Variants in NCOR1 observed in about 807,000 individuals in gnomAD.
NCOR1 encodes the protein nuclear receptor corepressor 1.
A neutral mutation model predicts 288.1 loss-of-function variants in NCOR1; 63 were observed. The ratio of observed to expected loss-of-function variants is 0.22; its 90% CI spans 0.18 to 0.27. NCOR1 has a LOEUF of 0.27. Among genes scored for constraint, NCOR1 ranks in the 10% least tolerant of loss-of-function variants. The pLI, the probability that NCOR1 is intolerant of heterozygous loss-of-function variation, is 1.00. For missense variants in NCOR1, 2,397 were observed against 3,019.2 expected (o/e 0.79, Z 4.83); for synonymous variants, 1,007 against 1,065.9 (o/e 0.94, Z 1.08).
chr17:16,063,355 A>G (rs1419193434), intron 35 of NCOR1, among the ~76,000 whole-genome samples: 1 of 151,638 alleles, frequency 6.6e-6, no homozygotes, highest in South Asian at 2.1e-4. Flanking sequence ...AATTTTTTAT[A>G]TATATATTTT....
rs568083045 is a variant in NCOR1, at chr17:16,095,250, G to A, written c.2820+3117C>T. Among the ~76,000 whole-genome samples, 71 of 149,460 alleles carry A rather than the reference G, an allele frequency of 4.8e-4. 1 individual carries two copies. Among genetic ancestry groups the A allele is most frequent in the Admixed American group, 3.6e-3 (55 of 15,136 alleles). On this transcript the variant is annotated intron_variant, in intron 21 of 45. Transcript: ENST00000268712. Reference sequence around the variant, plus strand: ...TGGGATGTGAGGAGCACCTCGGCCCGGCCGCGACCCCGTCTGGGAGGTGAG... The same window carrying A: ...TGGGATGTGAGGAGCACCTCGGCCCAGCCGCGACCCCGTCTGGGAGGTGAG...
intron 7 of NCOR1, 82 bp from the exon 8 acceptor site, chr17:16,152,080 G>GA: frequency 1.2e-6 from 1 of 852,752 alleles, no homozygotes; most frequent in Non-Finnish European, 1.7e-6. Context: ...TTTAATGTAA[G>GA]CACAGGTAAA....
At chr17:16,091,383 A>G (rs1437755382) in intron 22 of NCOR1, among the ~76,000 whole-genome samples, 1 of 152,266 alleles carries the variant, frequency 6.6e-6, no homozygotes, top group African/African-American at 2.4e-5. Context: ...ATGAAAGGTT[A>G]AGTGACTTGC....
chr17:16,104,874 A>G (rs899381405), intron 19 of NCOR1, among the ~76,000 whole-genome samples: 8 of 152,210 alleles, frequency 5.3e-5, no homozygotes, highest in Non-Finnish European at 8.8e-5. Flanking sequence ...GAAAAAAGTG[A>G]TATCTGAACA....
chr17:16,035,060 C>T, intron 44 of NCOR1, 116 bp from the exon 45 acceptor site: 1 of 937,942 alleles, frequency 1.1e-6, no homozygotes, highest in Non-Finnish European at 1.6e-6. Flanking sequence ...ATGAAGAATC[C>T]AGATCCTGGT....
chr17:16,071,277 A>G lies in NCOR1; in HGVS notation c.4152+132T>C. 5.6e-6 allele frequency: 7 copies of G among 1,240,792 alleles called. No individual in the cohort carries two copies. The South Asian group carries it at 6.1e-5, about 11-fold the overall frequency. 76.9% of individuals were successfully genotyped at this position (1,240,792 alleles called of 1,614,324 possible). On this transcript the variant is annotated intron_variant, in intron 30 of 45. Transcript: ENST00000268712. ...CTGGTCCACAGAGGAAAAAAAAAAA[A>G]GGTACAGGAAACTTTCATGTTTACT...
intron 18 of NCOR1, among the ~76,000 whole-genome samples, chr17:16,117,620 C>A (rs987971408): frequency 6.6e-6 from 1 of 151,260 alleles, no homozygotes; most frequent in African/African-American, 2.4e-5. Context: ...GTCTGGAGTT[C>A]GAGACCAGCC....
intron 19 of NCOR1, among the ~76,000 whole-genome samples, chr17:16,105,080 C>G (rs907971205): frequency 6.6e-6 from 1 of 152,158 alleles, no homozygotes. Flanking sequence ...GTACAAAGGT[C>G]AGTTCATGCA....
intron 1 of NCOR1, among the ~76,000 whole-genome samples, chr17:16,205,344 C>T (rs1440021831): frequency 2.0e-5 from 3 of 152,186 alleles, no homozygotes; most frequent in East Asian, 3.8e-4. Context: ...GACACATGGC[C>T]GGGCTCAGTG....
chr17:16,067,167 T>C (rs2061222811), intron 32 of NCOR1, among the ~76,000 whole-genome samples: 1 of 152,260 alleles, frequency 6.6e-6, no homozygotes, highest in African/African-American at 2.4e-5. Context: ...CCCAGCAGAC[T>C]GCTCTCTAGA....
intron 21 of NCOR1, among the ~76,000 whole-genome samples, chr17:16,094,933 C>A (rs1300055801): frequency 2.6e-5 from 4 of 152,280 alleles, no homozygotes; most frequent in Non-Finnish European, 4.4e-5. Flanking sequence ...ACCTCCCAGC[C>A]GCCTGCCTTG....
chr17:16,189,528 C>T lies in NCOR1; in HGVS notation c.109-2841G>A, dbSNP rs542387098. Among the ~76,000 whole-genome samples the T allele has an allele frequency of 7.9e-5, 12 of 152,072 alleles. No individual in the cohort carries two copies. The South Asian group carries it at 2.3e-3, about 29-fold the overall frequency. ...AGAACTGAGGAATTCTCTCAGTACC[C>T]AGTAAAGCACAAAGACATAGAAACC... On this transcript the variant is annotated intron_variant, in intron 2 of 45. Transcript: ENST00000268712.
chr17:16,112,357 T>G (rs969932733), intron 18 of NCOR1, among the ~76,000 whole-genome samples: 2 of 152,214 alleles, frequency 1.3e-5, no homozygotes, highest in Non-Finnish European at 2.9e-5. Flanking sequence ...TATACACACT[T>G]TTAAATCAGT....
intron 42 of NCOR1, chr17:16,044,388 C>CAATCT: frequency 2.1e-6 from 1 of 471,168 alleles, no homozygotes; most frequent in Non-Finnish European, 4.4e-6. Context: ...CAGATCTAAA[C>CAATCT]AAACATCCAC....
At chr17:16,210,135 G>A (rs2091977524) in intron 1 of NCOR1, among the ~76,000 whole-genome samples, 1 of 151,482 alleles carries the variant, frequency 6.6e-6, no homozygotes, top group Non-Finnish European at 1.5e-5. Context: ...TGTAATCCCA[G>A]CACTTTGGGA....
At chr17:16,041,819 C>T (rs1482346379) in intron 42 of NCOR1, among the ~76,000 whole-genome samples, 2 of 152,114 alleles carry the variant, frequency 1.3e-5, no homozygotes, top group East Asian at 1.9e-4. Context: ...TCACTGCAAG[C>T]TCTGCCTCCC....
chr17:16,084,764 G>C (rs768067222), intron 23 of NCOR1, among the ~76,000 whole-genome samples: 3 of 152,148 alleles, frequency 2.0e-5, no homozygotes, highest in Non-Finnish European at 4.4e-5. Flanking sequence ...TTTAAATAAA[G>C]ATGAATGTTA....
chr17:16,105,078 G>T (rs1038302939), intron 19 of NCOR1, among the ~76,000 whole-genome samples: 70 of 152,278 alleles, frequency 4.6e-4, no homozygotes, highest in African/African-American at 1.5e-3. Context: ...AGGTACAAAG[G>T]TCAGTTCATG....
intron 5 of NCOR1, among the ~76,000 whole-genome samples, chr17:16,161,910 A>G (rs1159233508): frequency 3.3e-5 from 5 of 152,168 alleles, no homozygotes; most frequent in African/African-American, 1.2e-4. Context: ...CATTATCTCA[A>G]TTCATAAAAC....
Sources: gnomAD v4.1 joint callset for allele counts (sites outside exome capture counted in the v4.1 genomes callset) on GRCh38, gnomAD v4.1.1 for gene constraint, MANE v1.5 for transcripts, NCBI Gene and HGNC (gene_info 2026-07-23, HGNC 2026-07-21) for gene names.